CSNK1D: variants seen among roughly 807,000 people sequenced by gnomAD.
The protein encoded by CSNK1D is casein kinase 1 delta.
In CSNK1D, 16 loss-of-function variants were observed where a neutral mutation model predicts 46.6. The observed-to-expected ratio is 0.34, with a 90% CI of 0.23 to 0.52. The LOEUF is 0.52. Among genes scored for constraint, CSNK1D ranks in the 20% least tolerant of loss-of-function variants. CSNK1D has a pLI of 0.95. For synonymous variants in CSNK1D, 276 were observed against 228.2 expected (o/e 1.21, Z -1.89); for missense variants, 398 against 578.4 (o/e 0.69, Z 3.20).
downstream of CSNK1D, among the ~76,000 whole-genome samples, chr17:82,240,798 T>C (rs2050732063): frequency 6.6e-6 from 1 of 152,014 alleles, no homozygotes; most frequent in Non-Finnish European, 1.5e-5. Context: ...GCACAGGACG[T>C]GTGGGGGCTG....
At chr17:82,264,175 G>C (rs748546349) in intron 2 of CSNK1D, among the ~76,000 whole-genome samples, 1 of 152,242 alleles carries the variant, frequency 6.6e-6, no homozygotes, top group African/African-American at 2.4e-5. Context: ...CAGAGGCCCT[G>C]AACAGGTTTT....
chr17:82,268,465 T>C (rs2051535581), intron 1 of CSNK1D, among the ~76,000 whole-genome samples: 1 of 152,196 alleles, frequency 6.6e-6, no homozygotes, highest in East Asian at 1.9e-4. Flanking sequence ...TATACACAAG[T>C]TTTGGCATGC....
rs2050789762 is a variant in CSNK1D at position 82,244,062 on chromosome 17, ACAG to A, written c.*716_*718del. Reference sequence around the variant, plus strand: ...TCTCCGAGGGCCTCAAGAGTTCCTGACAGCAGGCATGTCAATTACGGGAGGAGG... The same window carrying A: ...TCTCCGAGGGCCTCAAGAGTTCCTGACAGGCATGTCAATTACGGGAGGAGG... On this transcript the variant is annotated 3_prime_UTR_variant, in exon 9 of 9. Coordinates refer to ENST00000314028, the MANE Select transcript of CSNK1D (RefSeq NM_001893.6). 1 of 989,594 alleles carries A rather than the reference ACAG, an allele frequency of 1.0e-6. No homozygotes were observed. Among genetic ancestry groups the A allele is most frequent in the Non-Finnish European group, 1.2e-6 (1 of 832,380 alleles). 61.3% of individuals were successfully genotyped at this position (989,594 alleles called of 1,614,324 possible).
intron 2 of CSNK1D, among the ~76,000 whole-genome samples, chr17:82,257,339 T>C (rs1025628816): frequency 1.3e-5 from 2 of 152,222 alleles, no homozygotes; most frequent in Non-Finnish European, 2.9e-5. Context: ...AGACTTTTCA[T>C]GAATATGAAT....
intron 8 of CSNK1D, 169 bp from the exon 9 acceptor site, chr17:82,245,000 G>A (rs1014577926): frequency 7.6e-6 from 6 of 793,696 alleles, no homozygotes; most frequent in African/African-American, 1.7e-5. Flanking sequence ...GCTGGGACAC[G>A]TGCTCAGCAG....
At chr17:82,265,583 G>T (rs901559549) in intron 2 of CSNK1D, 103 bp downstream of exon 2, 2 of 903,418 alleles carry the variant, frequency 2.2e-6, no homozygotes, top group African/African-American at 1.6e-5. Flanking sequence ...CCTCCCTTTT[G>T]CCCAGAACCA....
intron 2 of CSNK1D, among the ~76,000 whole-genome samples, chr17:82,263,924 G>A (rs937684700): frequency 7.2e-5 from 11 of 152,212 alleles, no homozygotes; most frequent in Middle Eastern, 6.3e-3. Context: ...TCCCTGGGTT[G>A]GTGATGGGAT....
At chr17:82,240,397 G>C (rs1439266736), downstream of CSNK1D, among the ~76,000 whole-genome samples, 1 of 152,170 alleles carries the variant, frequency 6.6e-6, no homozygotes, top group Admixed American at 6.5e-5. Context: ...TCCCCCGCTG[G>C]CACCCCCACA....
intron 1 of CSNK1D, among the ~76,000 whole-genome samples, chr17:82,271,412 A>T (rs1038297913): frequency 4.6e-5 from 7 of 152,180 alleles, no homozygotes; most frequent in African/African-American, 1.7e-4. Context: ...TGGCTAATGG[A>T]CTGGCTTTGC....
rs2050771481 is a variant in CSNK1D at position 82,243,236 on chromosome 17, A to G, written c.*1545T>C. The G allele has an allele frequency of 1.1e-5, 11 of 985,444 alleles. No individual in the cohort carries two copies. Among genetic ancestry groups the G allele is most frequent in the Non-Finnish European group, 1.2e-5 (10 of 830,036 alleles). 61.0% of individuals were successfully genotyped at this position (985,444 alleles called of 1,614,324 possible). Reference sequence around the variant, plus strand: ...TTCTGGGACGCCAGCCAGTTATGGCATCCGGGGAACTCTGGGGAGGAGAAG... The same window carrying G: ...TTCTGGGACGCCAGCCAGTTATGGCGTCCGGGGAACTCTGGGGAGGAGAAG... On this transcript the variant is annotated 3_prime_UTR_variant, in exon 9 of 9. Coordinates refer to ENST00000314028, the MANE Select transcript of CSNK1D (RefSeq NM_001893.6).
Position 82,260,634 on chromosome 17 carries a change from C to CGTGACTGATGGTGTACTGACTGAT in CSNK1D, c.187+5028_187+5051dup, listed in dbSNP as rs1568575469. Among the ~76,000 whole-genome samples the CGTGACTGATGGTGTACTGACTGAT allele has an allele frequency of 3.4e-4, 34 of 98,740 alleles. 5 individuals carry two copies. Among genetic ancestry groups the CGTGACTGATGGTGTACTGACTGAT allele is most frequent in the Non-Finnish European group, 3.9e-4 (19 of 49,052 alleles). The allele number at this position is 98,740 out of a possible 152,430, so 64.8% of individuals were successfully genotyped here. ...ACGTGACTGATGGTGTACTGAGTGA[C>CGTGACTGATGGTGTACTGACTGAT]GTGACTGATGGTGTACTGACTGATG... On this transcript the variant is annotated intron_variant, in intron 2 of 8. Coordinates refer to ENST00000314028, the MANE Select transcript of CSNK1D (RefSeq NM_001893.6).
At chr17:82,273,704 G>A, upstream of CSNK1D, 1 of 494,882 alleles carries the variant, frequency 2.0e-6, no homozygotes, top group East Asian at 3.5e-5. This position sits in a 1 kb window ranked among gnomAD's most constrained non-coding sequence, Gnocchi z 5.1. Context: ...GCGCTGTGAC[G>A]TCACTTCCCC....
chr17:82,246,436 G>A (rs1238263798), intron 8 of CSNK1D: 8 of 1,168,218 alleles, frequency 6.8e-6, no homozygotes, highest in Non-Finnish European at 6.4e-6. Flanking sequence ...GCCTAGTCCT[G>A]GGCAGGAGTT....
intron 2 of CSNK1D, among the ~76,000 whole-genome samples, chr17:82,261,839 C>T (rs551501556): frequency 8.5e-5 from 13 of 152,166 alleles, no homozygotes; most frequent in Non-Finnish European, 1.8e-4. Flanking sequence ...CAGTCGCCCA[C>T]CCTCAGCCAC....
At chr17:82,256,950 T>A (rs911600398) in intron 2 of CSNK1D, among the ~76,000 whole-genome samples, 1 of 152,188 alleles carries the variant, frequency 6.6e-6, no homozygotes. Context: ...TCAATTCATT[T>A]AAAAAATTGT....
At chr17:82,261,541 G>T (rs1325862079) in intron 2 of CSNK1D, among the ~76,000 whole-genome samples, 1 of 152,116 alleles carries the variant, frequency 6.6e-6, no homozygotes, top group African/African-American at 2.4e-5. Flanking sequence ...TTCAGCAGTT[G>T]AACCCTAAAA....
At chr17:82,270,848 G>C (rs1423305756) in intron 1 of CSNK1D, among the ~76,000 whole-genome samples, 2 of 151,896 alleles carry the variant, frequency 1.3e-5, no homozygotes, top group Non-Finnish European at 2.9e-5. Flanking sequence ...TCCAACCCCA[G>C]GGTGTCAGAG....
chr17:82,246,016 G>T (rs372884364), intron 8 of CSNK1D: 2 of 1,610,322 alleles, frequency 1.2e-6, no homozygotes, highest in South Asian at 2.2e-5. Flanking sequence ...GCTACTTGCC[G>T]TGGTGTTCGA....
rs1302713094 is a variant in CSNK1D, at chr17:82,248,715, A to G, written c.1197+160T>C. The G allele has an allele frequency of 2.7e-6, 4 of 1,460,232 alleles. No individual in the cohort carries two copies. The highest frequency in any genetic ancestry group is 3.6e-6 in the Non-Finnish European group (4 of 1,107,152). 90.5% of individuals were successfully genotyped at this position (1,460,232 alleles called of 1,614,324 possible). On this transcript the variant is annotated intron_variant, in intron 8 of 8. Transcript: ENST00000314028. This position sits in a 1 kb window ranked among gnomAD's most constrained non-coding sequence, Gnocchi z 4.1. ...GCATGTCTCCCAGGCCCTCCCGAGAAGCCTCATCTGCAACCAAGACGCCAC... is the reference window on the plus strand; with the variant it reads ...GCATGTCTCCCAGGCCCTCCCGAGAGGCCTCATCTGCAACCAAGACGCCAC...
Sources: allele counts gnomAD v4.1 joint callset (sites outside exome capture counted in the v4.1 genomes callset), GRCh38; gene constraint gnomAD v4.1.1; non-coding constraint Gnocchi (gnomAD v3.1); transcripts MANE v1.5; gene names NCBI Gene and HGNC (gene_info 2026-07-23, HGNC 2026-07-21).